The following ATP6V1D variants were observed in gnomAD, a reference collection of about 807,000 sequenced individuals.
The protein encoded by ATP6V1D is V-type proton ATPase subunit D.
ATP6V1D carries 20 observed loss-of-function variants against 39.4 expected under a neutral mutation model. That is an observed-to-expected ratio of 0.51 (90% CI 0.36 to 0.74). The LOEUF (loss-of-function observed/expected upper bound fraction) is 0.74. Ranked by LOEUF, ATP6V1D falls within the 30% of genes least tolerant of loss-of-function variation. The pLI is 0.00. For synonymous variants in ATP6V1D, 100 were observed against 100.5 expected, an observed-to-expected ratio of 0.99 and a Z score of 0.03; for missense variants, 228 against 291.6, an observed-to-expected ratio of 0.78 and a Z score of 1.59.
chr14:67,359,680 T>G lies in ATP6V1D; in HGVS notation c.19A>C (p.Ile7Leu). 6.2e-7 allele frequency: 1 copy of G among 1,614,046 alleles called. No individual in the cohort carries two copies. Residue 7 changes from isoleucine to leucine, a missense_variant, in exon 1 of 9, where the codon ATT (isoleucine) becomes CTT (leucine). Ile to Leu is a conservative substitution (Grantham distance 5). Coordinates refer to ENST00000216442, the MANE Select transcript of ATP6V1D (RefSeq NM_015994.4). MSGKDR[I>L]EIFPSRMAQT... is the part of the protein sequence containing the mutation. ...TACATTCGCGAGGGAAAGATTTCAA[T>G]TCGGTCTTTGCCCGACATTCTGACG...
chr14:67,339,950 A>G (rs189140344), intron 8 of ATP6V1D: 1 of 152,610 alleles, frequency 6.6e-6, no homozygotes, highest in Non-Finnish European at 1.5e-5. Context: ...AAGTACAAAA[A>G]AATTATCCAG....
intron 1 of ATP6V1D, among the ~76,000 whole-genome samples, chr14:67,358,321 G>T (rs1223883472): frequency 6.6e-6 from 1 of 152,112 alleles, no homozygotes; most frequent in Admixed American, 6.5e-5. Flanking sequence ...ACAGGTGAAG[G>T]TAAAAAATTT....
chr14:67,342,548 C>T (rs1187137914), intron 7 of ATP6V1D, among the ~76,000 whole-genome samples: 3 of 144,192 alleles, frequency 2.1e-5, no homozygotes, highest in Non-Finnish European at 4.5e-5. Flanking sequence ...GTAAGAACTA[C>T]GAATTATCCT....
chr14:67,347,506 T>TG, intron 4 of ATP6V1D, 53 bp from the exon 5 acceptor site: 1 of 1,480,590 alleles, frequency 6.8e-7, no homozygotes, highest in Non-Finnish European at 9.2e-7. Flanking sequence ...TTCTCTCTTT[T>TG]TTTTTTTTTT....
intron 4 of ATP6V1D, 115 bp downstream of exon 4, chr14:67,348,922 T>C: frequency 1.0e-6 from 1 of 967,862 alleles, no homozygotes; most frequent in Non-Finnish European, 1.5e-6. Context: ...GCCAATCAAC[T>C]TGTTCTAAGT....
intron 3 of ATP6V1D, among the ~76,000 whole-genome samples, 162 bp from the exon 4 acceptor site, chr14:67,349,266 T>G (rs2274338): frequency 0.15 from 23,595 of 152,226 alleles, 3,460 homozygotes; most frequent in East Asian, 0.42. Flanking sequence ...AAGTCATTAC[T>G]GCTAGAGGAG....
rs905544210 is a variant in ATP6V1D at position 67,356,324 on chromosome 14, G to C, written c.42-3284C>G. ...TGGTCCCAGCTACTCAGGAGTCTGA[G>C]GCACAAAAATCACTTGAACCTGGCA... On this transcript the variant is annotated intron_variant, in intron 1 of 8. Coordinates refer to ENST00000216442, the MANE Select transcript of ATP6V1D (RefSeq NM_015994.4). Among the ~76,000 whole-genome samples, 14 of 151,792 alleles carry C rather than the reference G, an allele frequency of 9.2e-5. 1 individual carries two copies. Among genetic ancestry groups the C allele is most frequent in the Non-Finnish European group, 1.3e-4 (9 of 67,940 alleles).
intron 1 of ATP6V1D, among the ~76,000 whole-genome samples, chr14:67,355,219 T>C (rs886604146): frequency 6.6e-6 from 1 of 151,966 alleles, no homozygotes; most frequent in African/African-American, 2.4e-5. Context: ...TTTATTAATT[T>C]GTAAAAGACT....
At chr14:67,340,686 C>CCCCTCT (rs1161485707) in intron 7 of ATP6V1D, among the ~76,000 whole-genome samples, 168 bp from the exon 8 acceptor site, 4 of 152,176 alleles carry the variant, frequency 2.6e-5, no homozygotes, top group African/African-American at 9.7e-5. Context: ...TCTCCCCCTC[C>CCCCTCT]CCCTCTCCCT....
chr14:67,349,164 C>A, intron 3 of ATP6V1D, 60 bp from the exon 4 acceptor site: 1 of 1,492,450 alleles, frequency 6.7e-7, no homozygotes, highest in Non-Finnish European at 9.3e-7. Context: ...CTACAGGGAC[C>A]CACTGGATAG....
At chr14:67,345,701 C>A in intron 6 of ATP6V1D, 67 bp downstream of exon 6, 1 of 1,067,162 alleles carries the variant, frequency 9.4e-7, no homozygotes, top group African/African-American at 1.6e-5. Context: ...GACTCAAGAC[C>A]TGACTCTCCT....
chr14:67,354,147 T>G (rs1215744157), intron 1 of ATP6V1D, among the ~76,000 whole-genome samples: 1 of 152,168 alleles, frequency 6.6e-6, no homozygotes, highest in African/African-American at 2.4e-5. Flanking sequence ...GAAAATGGAC[T>G]AAGACAACTG....
At chr14:67,348,130 A>C (rs1471068066) in intron 4 of ATP6V1D, among the ~76,000 whole-genome samples, 1 of 151,342 alleles carries the variant, frequency 6.6e-6, no homozygotes, top group Non-Finnish European at 1.5e-5. Context: ...GCTGGAGTAC[A>C]ATGGCGCAAT....
chr14:67,342,342 A>C (rs2085591709), intron 7 of ATP6V1D, among the ~76,000 whole-genome samples: 1 of 151,960 alleles, frequency 6.6e-6, no homozygotes, highest in Non-Finnish European at 1.5e-5. Context: ...TAGATAACCT[A>C]TTGGACCATA....
At chr14:67,352,468 T>C (rs966907339) in intron 2 of ATP6V1D, among the ~76,000 whole-genome samples, 3 of 151,242 alleles carry the variant, frequency 2.0e-5, no homozygotes, top group African/African-American at 7.3e-5. Context: ...TAAAATGTCA[T>C]ACCATGCGGT....
At chr14:67,341,755 G>A (rs1420855956) in intron 7 of ATP6V1D, among the ~76,000 whole-genome samples, 1 of 152,236 alleles carries the variant, frequency 6.6e-6, no homozygotes, top group African/African-American at 2.4e-5. Context: ...GGGGAAAGGT[G>A]GGGAAAAGAT....
At chr14:67,344,051 T>C (rs2085604434) in intron 6 of ATP6V1D, among the ~76,000 whole-genome samples, 1 of 152,230 alleles carries the variant, frequency 6.6e-6, no homozygotes, top group Non-Finnish European at 1.5e-5. Flanking sequence ...ACTGCTGACA[T>C]ACTGATTAAT....
chr14:67,352,769 A>T (rs1009992702), intron 2 of ATP6V1D, 154 bp downstream of exon 2: 2 of 576,190 alleles, frequency 3.5e-6, no homozygotes, highest in Non-Finnish European at 3.0e-6. Context: ...TATTAAATGA[A>T]CTATTTGATA....
rs897470394 is a variant in ATP6V1D, at chr14:67,343,563, G to A, written c.457-125C>T. The A allele has an allele frequency of 1.1e-5, 8 of 723,618 alleles. No individual in the cohort carries two copies. The African/African-American group carries it at 1.4e-4, about 13-fold the overall frequency. The allele number at this position is 723,618 out of a possible 1,614,324, so 44.8% of individuals were successfully genotyped here. A position where few individuals can be genotyped will look rare whatever the true frequency, so the allele number is the denominator to read the frequency against. ...AACCAAGACAACTTCTTTTTGGCAT[G>A]CTTAAAAAACAAAATTCTTAGGCTG... On this transcript the variant is annotated intron_variant, in intron 6 of 8. Coordinates refer to ENST00000216442, the MANE Select transcript of ATP6V1D (RefSeq NM_015994.4).
Sources: gnomAD v4.1 joint callset for allele counts (sites outside exome capture counted in the v4.1 genomes callset) on GRCh38, gnomAD v4.1.1 for gene constraint, MANE v1.5 for transcripts, NCBI Gene and HGNC (gene_info 2026-07-23, HGNC 2026-07-21) for gene names.